The following APPBP2 variants were observed in gnomAD, a reference collection of about 807,000 sequenced individuals.
The protein encoded by APPBP2 is amyloid beta precursor protein binding protein 2.
In APPBP2, 15 loss-of-function variants were observed where a neutral mutation model predicts 76.0. That is an observed-to-expected ratio of 0.20 (90% CI 0.13 to 0.30). The LOEUF (loss-of-function observed/expected upper bound fraction) is 0.30. Ranked by LOEUF, APPBP2 falls within the 10% of genes least tolerant of loss-of-function variation. The pLI, the probability that APPBP2 is intolerant of heterozygous loss-of-function variation, is 1.00. For synonymous variants in APPBP2, 222 were observed against 242.2 expected (o/e 0.92, Z 0.77); for missense variants, 401 against 687.2 (o/e 0.58, Z 4.66).
rs945147146 is a variant in APPBP2 at position 60,465,969 on chromosome 17, G to A, written c.672+322C>T. 2.0e-5 allele frequency among the ~76,000 whole-genome samples: 3 copies of A among 151,988 alleles called. No individual in the cohort carries two copies. In the South Asian group the frequency reaches 6.2e-4, roughly 31 times the overall value. The stretch of plus-strand genomic sequence containing the variant: ...TCCTGCCTCAGCCTCCCATGTAGTT[G>A]TGACCACCACAGGCGTGTGCTACAC... On this transcript the variant is annotated intron_variant, in intron 5 of 12. Transcript: ENST00000083182.
At position 60,460,821 on chromosome 17, in the gene APPBP2, T is replaced by C. The variant is rs770529930; in HGVS notation, c.937-34A>G. The C allele has an allele frequency of 2.5e-6, 4 of 1,597,880 alleles. No homozygotes were observed. In the South Asian group the frequency reaches 3.4e-5, roughly 13 times the overall value. Reference sequence around the variant, plus strand: ...ATCATAAAAATATTTGTCAATACTGTAGAAAATACCACCTAGTTAAATTAA... The same window carrying C: ...ATCATAAAAATATTTGTCAATACTGCAGAAAATACCACCTAGTTAAATTAA... On this transcript the variant is annotated intron_variant, in intron 8 of 12. Coordinates refer to ENST00000083182, the MANE Select transcript of APPBP2 (RefSeq NM_006380.5).
intron 3 of APPBP2, among the ~76,000 whole-genome samples, chr17:60,485,956 A>G (rs945241841): frequency 6.6e-6 from 1 of 152,044 alleles, no homozygotes; most frequent in Non-Finnish European, 1.5e-5. Context: ...TTCGTTATTT[A>G]CCCAGTAGTC....
At chr17:60,505,087 C>A (rs375737940) in intron 1 of APPBP2, among the ~76,000 whole-genome samples, 2 of 152,148 alleles carry the variant, frequency 1.3e-5, no homozygotes, top group Admixed American at 1.3e-4. Flanking sequence ...ATATAAAAAT[C>A]TGAAATAATA....
chr17:60,478,975 C>T (rs2090610261), intron 4 of APPBP2, among the ~76,000 whole-genome samples, 173 bp downstream of exon 4: 1 of 152,158 alleles, frequency 6.6e-6, no homozygotes, highest in African/African-American at 2.4e-5. Context: ...AAGCTGTCTA[C>T]AGCAGATTAA....
At chr17:60,474,928 T>G (rs1462289318) in intron 4 of APPBP2, among the ~76,000 whole-genome samples, 1 of 152,126 alleles carries the variant, frequency 6.6e-6, no homozygotes, top group Admixed American at 6.5e-5. Context: ...TTTAAAATTT[T>G]TATTTTAAAA....
At chr17:60,500,527 A>G in intron 1 of APPBP2, 40 bp from the exon 2 acceptor site, 2 of 1,399,228 alleles carry the variant, frequency 1.4e-6, no homozygotes, top group Non-Finnish European at 2.0e-6. Flanking sequence ...TTTGCAATTT[A>G]ATTCTTCTTT....
At chr17:60,506,521 CA>C (rs1272376587) in intron 1 of APPBP2, among the ~76,000 whole-genome samples, 1 of 152,336 alleles carries the variant, frequency 6.6e-6, no homozygotes, top group African/African-American at 2.4e-5. Flanking sequence ...CCTGACTCAG[CA>C]ATCTAAATTC....
chr17:60,457,128 CAA>C (rs10713718), intron 9 of APPBP2, among the ~76,000 whole-genome samples: 51 of 123,982 alleles, frequency 4.1e-4, no homozygotes, highest in African/African-American at 1.0e-3. Context: ...AAGACTGTCT[CAA>C]AAAAAAAAAA....
rs774824049 is a variant in APPBP2, at chr17:60,454,282, T to C, written c.1338+20A>G. 4 of 1,505,972 alleles carry C rather than the reference T, an allele frequency of 2.7e-6. No individual in the cohort carries two copies. The highest frequency in any genetic ancestry group is 2.3e-5 in the East Asian group (1 of 43,052). 93.3% of individuals were successfully genotyped at this position (1,505,972 alleles called of 1,614,324 possible). A position where few individuals can be genotyped will look rare whatever the true frequency, so the allele number is the denominator to read the frequency against. The stretch of plus-strand genomic sequence containing the variant: ...TTTCATTACTTAAGAGAGAAAAATA[T>C]AGTAAAAACATGTTTCTACCTTAAA... On this transcript the variant is annotated intron_variant, in intron 11 of 12. Transcript: ENST00000083182.
intron 11 of APPBP2, among the ~76,000 whole-genome samples, chr17:60,453,924 G>C (rs2090414601): frequency 6.6e-6 from 1 of 151,978 alleles, no homozygotes; most frequent in Admixed American, 6.6e-5. Flanking sequence ...CCAGGCTAGA[G>C]GGCAGTGATG....
At chr17:60,455,853 C>G (rs915310437) in intron 10 of APPBP2, among the ~76,000 whole-genome samples, 1 of 151,674 alleles carries the variant, frequency 6.6e-6, no homozygotes, top group Non-Finnish European at 1.5e-5. Context: ...TCTTGGCTCA[C>G]TGCAACCTCT....
chr17:60,504,633 C>T (rs2090851928), intron 1 of APPBP2, among the ~76,000 whole-genome samples: 7 of 152,208 alleles, frequency 4.6e-5, no homozygotes, highest in Admixed American at 2.6e-4. Context: ...GCCAACATGG[C>T]GAAACCCTGA....
Position 60,447,731 on chromosome 17 carries a change from A to G in APPBP2, c.1608T>C (p.Tyr536=). The G allele has an allele frequency of 6.2e-7, 1 of 1,614,094 alleles. No individual in the cohort carries two copies. Among genetic ancestry groups the G allele is most frequent in the South Asian group, 1.1e-5 (1 of 91,076 alleles). ...GGTTCCAGTTAGACAGAACATTGTG[A>G]TATTCAAACACTTTCTCGTAATTTC... ...SIGNYEKVFE[Y]HNVLSNWNRL... The change falls in exon 13 of 13, where the codon TAT becomes TAC. Residue 536 remains tyrosine, a synonymous_variant. Transcript: ENST00000083182.
Position 60,447,655 on chromosome 17 carries a change from T to C in APPBP2, c.1684A>G (p.Thr562Ala). ...SVTDALEDVS[T>A]SPQSTEEVVQ... ...ACTTCTTCAGTGGACTGGGGGCTGG[T>C]GCTGACATCTTCAAGAGCATCTGTC... Residue 562 changes from threonine (T) to alanine (A), a missense_variant, in exon 13 of 13, where the codon ACC becomes GCC. Physicochemically the swap from Thr to Ala is moderately conservative, Grantham distance 58. Transcript: ENST00000083182. The C allele has an allele frequency of 1.9e-6, 3 of 1,614,098 alleles. No individual in the cohort carries two copies. Among genetic ancestry groups the C allele is most frequent in the Non-Finnish European group, 2.5e-6 (3 of 1,180,028 alleles).
At chr17:60,478,127 A>T (rs1199550150) in intron 4 of APPBP2, among the ~76,000 whole-genome samples, 1 of 152,196 alleles carries the variant, frequency 6.6e-6, no homozygotes, top group Non-Finnish European at 1.5e-5. Flanking sequence ...CCATAAAAAT[A>T]GAAGACTGTA....
intron 3 of APPBP2, among the ~76,000 whole-genome samples, chr17:60,485,289 CTT>C (rs1325920726): frequency 6.6e-6 from 1 of 152,158 alleles, no homozygotes; most frequent in Non-Finnish European, 1.5e-5. Flanking sequence ...ACCAGCTCCT[CTT>C]TGTAGCTCTG....
At position 60,479,177 on chromosome 17, in the gene APPBP2, A is replaced by G. The variant is rs1567927562; in HGVS notation, c.474T>C (p.His158=). 6 of 1,613,868 alleles carry G rather than the reference A, an allele frequency of 3.7e-6. No homozygotes were observed. Among genetic ancestry groups the G allele is most frequent in the Non-Finnish European group, 4.2e-6 (5 of 1,179,850 alleles). The change falls in exon 4 of 13, where the codon CAT becomes CAC. Residue 158 remains histidine (H), a synonymous_variant. Coordinates refer to ENST00000083182, the MANE Select transcript of APPBP2 (RefSeq NM_006380.5). ...CACAACATTCTACTGCACGAAACCA[A>G]TGAAGCATCTCATCGTGTAGAGTAC... ...QLCTLHDEML[H]WFRAVECCVR...
chr17:60,525,942 T>TCCTCCG lies in APPBP2; in HGVS notation c.-12_-11insCGGAGG. On this transcript the variant is annotated 5_prime_UTR_variant, in exon 1 of 13. Transcript: ENST00000083182. ...TTCCACGGCCGCCATCTTCCTTCCC[T>TCCTCCG]CCTCCTCCGCCTCCTCCGCCTCCTC... The TCCTCCG allele has an allele frequency of 1.3e-6, 2 of 1,590,458 alleles. No homozygotes were observed. The highest frequency in any genetic ancestry group is 1.3e-5 in the African/African-American group (1 of 74,450).
At chr17:60,500,563 TA>T (rs1222356159) in intron 1 of APPBP2, 76 bp from the exon 2 acceptor site, 11 of 1,000,376 alleles carry the variant, frequency 1.1e-5, no homozygotes, top group Non-Finnish European at 1.5e-5. Context: ...TTGATAAATG[TA>T]ATTTGATTAA....
Sources: gnomAD v4.1 joint callset for allele counts (sites outside exome capture counted in the v4.1 genomes callset) on GRCh38, gnomAD v4.1.1 for gene constraint, MANE v1.5 for transcripts, NCBI Gene and HGNC (gene_info 2026-07-23, HGNC 2026-07-21) for gene names.